Variants in OSBPL3 observed in about 807,000 individuals in gnomAD.
The protein encoded by OSBPL3 is oxysterol-binding protein-related protein 3.
Under a neutral mutation model 120.1 loss-of-function variants are expected in OSBPL3, and 65 were observed. That is an observed-to-expected ratio of 0.54 (90% CI 0.44 to 0.67). OSBPL3 has a LOEUF of 0.67. Among genes scored for constraint, OSBPL3 ranks in the 30% least tolerant of loss-of-function variants. OSBPL3 has a pLI of 0.00. For missense variants in OSBPL3, 1,004 were observed against 1,082.1 expected, an observed-to-expected ratio of 0.93 and a Z score of 1.01; for synonymous variants, 416 against 402.6, an observed-to-expected ratio of 1.03 and a Z score of -0.40.
At chr7:24,829,267 A>C (rs933425387) in intron 16 of OSBPL3, among the ~76,000 whole-genome samples, 1 of 152,236 alleles carries the variant, frequency 6.6e-6, no homozygotes, top group Non-Finnish European at 1.5e-5. Context: ...TAAATAACCC[A>C]GATGAATTCT....
At chr7:24,904,432 T>A (rs538773715) in intron 1 of OSBPL3, among the ~76,000 whole-genome samples, 5 of 152,168 alleles carry the variant, frequency 3.3e-5, no homozygotes, top group African/African-American at 1.2e-4. Flanking sequence ...ACAATGAAAA[T>A]ATACAGATTT....
At chr7:24,906,418 T>C in intron 1 of OSBPL3, 1 of 245,858 alleles carries the variant, frequency 4.1e-6, no homozygotes, top group Non-Finnish European at 8.4e-6. Flanking sequence ...GGAGGAACCT[T>C]TCCTTGTTGA....
intron 1 of OSBPL3, among the ~76,000 whole-genome samples, chr7:24,931,414 T>G (rs1811772700): frequency 6.6e-6 from 1 of 152,128 alleles, no homozygotes. Context: ...TGGATTGTCC[T>G]GGGAGGTCTG....
chr7:24,843,119 C>A (rs1423518025), intron 12 of OSBPL3, among the ~76,000 whole-genome samples: 2 of 152,104 alleles, frequency 1.3e-5, no homozygotes, highest in African/African-American at 4.8e-5. Context: ...CTGGACTTTC[C>A]CTCTGGGGAG....
chr7:24,917,413 T>TATATATTTGTAAC (rs1809775944), intron 1 of OSBPL3, among the ~76,000 whole-genome samples: 4 of 141,068 alleles, frequency 2.8e-5, no homozygotes, highest in African/African-American at 1.1e-4. Flanking sequence ...TATATATATA[T>TATATATTTGTAAC]ATATATATAT....
In OSBPL3 at chr7:24,852,955, T is replaced by C. The variant is rs1285295156; in HGVS notation, c.1028-321A>G. Among the ~76,000 whole-genome samples the C allele has an allele frequency of 1.3e-5, 2 of 152,182 alleles. No individual in the cohort carries two copies. Among genetic ancestry groups the C allele is most frequent in the Admixed American group, 6.5e-5 (1 of 15,282 alleles). ...GGGGGCTTATAAAAGCTCTGCACTT[T>C]TGGTTCAATTTTGCTATGGACCTAA... On this transcript the variant is annotated intron_variant, in intron 10 of 22. Transcript: ENST00000313367. The surrounding 1 kb of genome is among the most constrained non-coding windows in gnomAD (Gnocchi z 4.1).
intron 1 of OSBPL3, among the ~76,000 whole-genome samples, chr7:24,904,314 C>T (rs1387939407): frequency 6.6e-6 from 1 of 152,196 alleles, no homozygotes; most frequent in Admixed American, 6.5e-5. Context: ...TCAACTCTTT[C>T]AGTGAAAAGA....
chr7:24,811,146 A>C (rs548666260), intron 19 of OSBPL3, among the ~76,000 whole-genome samples: 156 of 152,310 alleles, frequency 1.0e-3, no homozygotes, highest in Non-Finnish European at 1.9e-3. Flanking sequence ...ATTTCCACAA[A>C]TGGTGTGTTT....
intron 20 of OSBPL3, among the ~76,000 whole-genome samples, chr7:24,807,883 T>G (rs937076573): frequency 6.6e-6 from 1 of 152,178 alleles, no homozygotes; most frequent in Non-Finnish European, 1.5e-5. Flanking sequence ...TGCTTGCCAG[T>G]AACTCTTCTG....
chr7:24,834,444 G>A lies in OSBPL3; in HGVS notation c.1746+42C>T, dbSNP rs767852393. 3 of 1,574,404 alleles carry A rather than the reference G, an allele frequency of 1.9e-6. No individual in the cohort carries two copies. Among genetic ancestry groups the A allele is most frequent in the African/African-American group, 2.7e-5 (2 of 73,798 alleles). ...CCCCGTGAATGGCCTCGTGGCTTGG[G>A]GACCGAGGCTGGACAGTGGCAAGGG... On this transcript the variant is annotated intron_variant, in intron 15 of 22. Coordinates refer to ENST00000313367, the MANE Select transcript of OSBPL3 (RefSeq NM_015550.4). The surrounding 1 kb of genome is among the most constrained non-coding windows in gnomAD (Gnocchi z 5.2).
chr7:24,820,699 T>A lies in OSBPL3; in HGVS notation c.1885-461A>T, dbSNP rs1795017323. ...TTTTAAATGCAACCCAAAATGTTCT[T>A]CCTCGGGCTCAGCCAATTTAACTCT... On this transcript the variant is annotated intron_variant, in intron 16 of 22. Coordinates refer to ENST00000313367, the MANE Select transcript of OSBPL3 (RefSeq NM_015550.4). This position sits in a 1 kb window ranked among gnomAD's most constrained non-coding sequence, Gnocchi z 4.6. Among the ~76,000 whole-genome samples, 1 of 152,148 alleles carries A rather than the reference T, an allele frequency of 6.6e-6. No homozygotes were observed. The highest frequency in any genetic ancestry group is 1.5e-5 in the Non-Finnish European group (1 of 68,026).
intron 1 of OSBPL3, among the ~76,000 whole-genome samples, chr7:24,962,857 C>T (rs1440027643): frequency 2.0e-5 from 3 of 152,188 alleles, no homozygotes; most frequent in Admixed American, 2.0e-4. Context: ...CACTTGCAAA[C>T]AAATGCCCTA....
chr7:24,967,264 G>C lies in OSBPL3; in HGVS notation c.-150+12622C>G, dbSNP rs192968243. ...TCAAAACATTCTGTGGCTCTCCAAT[G>C]GCCAGAGGATGAAGTAGCCATGCAC... On this transcript the variant is annotated intron_variant, in intron 1 of 22. Coordinates refer to ENST00000313367, the MANE Select transcript of OSBPL3 (RefSeq NM_015550.4). The surrounding 1 kb of genome is among the most constrained non-coding windows in gnomAD (Gnocchi z 5.6). Among the ~76,000 whole-genome samples the C allele has an allele frequency of 1.3e-5, 2 of 152,156 alleles. No individual in the cohort carries two copies. The highest frequency in any genetic ancestry group is 4.8e-5 in the African/African-American group (2 of 41,420).
At chr7:24,823,368 T>C (rs1216438317) in intron 16 of OSBPL3, among the ~76,000 whole-genome samples, 1 of 152,198 alleles carries the variant, frequency 6.6e-6, no homozygotes, top group East Asian at 1.9e-4. Flanking sequence ...AATCAAAATA[T>C]AGATTTCTAA....
In OSBPL3 at chr7:24,942,747, G is replaced by C. The variant is rs1455144814; in HGVS notation, c.-150+37139C>G. Among the ~76,000 whole-genome samples, 4 of 152,162 alleles carry C rather than the reference G, an allele frequency of 2.6e-5. No individual in the cohort carries two copies. In the East Asian group the frequency reaches 7.7e-4, roughly 29 times the overall value. On this transcript the variant is annotated intron_variant, in intron 1 of 22. Coordinates refer to ENST00000313367, the MANE Select transcript of OSBPL3 (RefSeq NM_015550.4). Reference sequence around the variant, plus strand: ...TTTATAACACCTCCAGCAGGGCCTAGAGCAGCACCTCACAGTCAAAAACAC... The same window carrying C: ...TTTATAACACCTCCAGCAGGGCCTACAGCAGCACCTCACAGTCAAAAACAC...
At chr7:24,875,225 T>G (rs1210806986) in intron 2 of OSBPL3, among the ~76,000 whole-genome samples, 1 of 152,254 alleles carries the variant, frequency 6.6e-6, no homozygotes, top group African/African-American at 2.4e-5. Context: ...GGGATGTAAG[T>G]GCAGAGTAAC....
At position 24,918,320 on chromosome 7, in the gene OSBPL3, C is replaced by G. The variant is rs1345860644; in HGVS notation, c.-149-25699G>C. On this transcript the variant is annotated intron_variant, in intron 1 of 22. Transcript: ENST00000313367. The surrounding 1 kb of genome is among the most constrained non-coding windows in gnomAD (Gnocchi z 4.3). ...TCATGACCACATAACTGTGCCATCCCCAACATCCCACTCTCCTCTCCACTT... is the reference window on the plus strand; with the variant it reads ...TCATGACCACATAACTGTGCCATCCGCAACATCCCACTCTCCTCTCCACTT... Among the ~76,000 whole-genome samples, 1 of 152,170 alleles carries G rather than the reference C, an allele frequency of 6.6e-6. No individual in the cohort carries two copies. Among genetic ancestry groups the G allele is most frequent in the Non-Finnish European group, 1.5e-5 (1 of 68,032 alleles).
At chr7:24,945,047 A>G (rs2710995) in intron 1 of OSBPL3, among the ~76,000 whole-genome samples, 81,504 of 151,964 alleles carry the variant, frequency 0.54, 22,329 homozygotes, top group East Asian at 0.83. Flanking sequence ...CCCTACTCAA[A>G]ATTTGATTAC....
At position 24,979,882 on chromosome 7, in the gene OSBPL3, T is replaced by G. The variant is rs936011564; in HGVS notation, c.-150+4A>C. ...CCCATTTAGGCGGGCGCCCCGCCAC[T>G]CACCTGAGCGCTGTGCAGCCGGAGA... On this transcript the variant is annotated splice_donor_region_variant and intron_variant, in intron 1 of 22. Transcript: ENST00000313367. The G allele has an allele frequency of 2.8e-4, 261 of 934,868 alleles. No homozygotes were observed. Among genetic ancestry groups the G allele is most frequent in the Non-Finnish European group, 3.2e-4 (252 of 794,792 alleles). 57.9% of individuals were successfully genotyped at this position (934,868 alleles called of 1,614,324 possible). A position where few individuals can be genotyped will look rare whatever the true frequency, so the allele number is the denominator to read the frequency against.
Sources: allele counts gnomAD v4.1 joint callset (sites outside exome capture counted in the v4.1 genomes callset), GRCh38; gene constraint gnomAD v4.1.1; non-coding constraint Gnocchi (gnomAD v3.1); transcripts MANE v1.5; gene names NCBI Gene and HGNC (gene_info 2026-07-23, HGNC 2026-07-21).